The following TBC1D1 variants were observed in gnomAD, a reference collection of about 807,000 sequenced individuals.
TBC1D1 encodes the protein TBC1 domain family member 1.
Under a neutral mutation model 125.6 loss-of-function variants are expected in TBC1D1, and 89 were observed. The ratio of observed to expected loss-of-function variants is 0.71; its 90% CI spans 0.60 to 0.85. The LOEUF is 0.85. TBC1D1 is among the 40% of genes least tolerant of loss of function. The probability of loss-of-function intolerance (pLI) is 0.00; values close to 1 mark genes in which losing one functional copy is unlikely to be tolerated. For synonymous variants in TBC1D1, 565 were observed against 564.1 expected (o/e 1.00, Z -0.02); for missense variants, 1,377 against 1,469.2 (o/e 0.94, Z 1.03).
intron 2 of TBC1D1, among the ~76,000 whole-genome samples, chr4:38,005,547 A>G (rs1212283440): frequency 6.6e-6 from 1 of 152,188 alleles, no homozygotes; most frequent in Non-Finnish European, 1.5e-5. Context: ...ACAGCAGTGC[A>G]GCCTCCTGGG....
intron 2 of TBC1D1, among the ~76,000 whole-genome samples, chr4:37,956,998 G>A (rs1207014292): frequency 6.6e-6 from 1 of 151,226 alleles, no homozygotes; most frequent in Non-Finnish European, 1.5e-5. Flanking sequence ...AGAAGCCACT[G>A]ATGCATGCCA....
chr4:37,894,737 A>C (rs781221702), intron 1 of TBC1D1, among the ~76,000 whole-genome samples: 1 of 152,218 alleles, frequency 6.6e-6, no homozygotes, highest in Non-Finnish European at 1.5e-5. Context: ...CTTTTAGAGT[A>C]TAATTTTGAT....
chr4:38,032,081 G>T (rs954299751), intron 7 of TBC1D1, among the ~76,000 whole-genome samples: 6 of 152,198 alleles, frequency 3.9e-5, no homozygotes, highest in African/African-American at 1.4e-4. Context: ...CACTTTGGGA[G>T]GCCAAGGCGG....
chr4:38,058,191 C>T (rs1200300968), intron 12 of TBC1D1, among the ~76,000 whole-genome samples: 1 of 152,206 alleles, frequency 6.6e-6, no homozygotes, highest in Non-Finnish European at 1.5e-5. Context: ...CAACTGATTT[C>T]TGTCTGAGAG....
rs1056986462 is a variant in TBC1D1 at position 37,995,450 on chromosome 4, C to T, written c.418-19059C>T. ...ACAACCTGAGGTTTCTTTCCCCGCC[C>T]CCTCACAAAGTATAGATCATTTGTT... On this transcript the variant is annotated intron_variant, in intron 2 of 19. Coordinates refer to ENST00000261439, the MANE Select transcript of TBC1D1 (RefSeq NM_015173.4). The surrounding 1 kb of genome is among the most constrained non-coding windows in gnomAD (Gnocchi z 4.3). The T allele has an allele frequency of 1.5e-5, 3 of 199,220 alleles. No homozygotes were observed. In the Admixed American group the frequency reaches 1.7e-4, roughly 11 times the overall value. The allele number at this position is 199,220 out of a possible 1,614,324, so 12.3% of individuals were successfully genotyped here.
intron 2 of TBC1D1, among the ~76,000 whole-genome samples, chr4:37,910,873 G>A (rs551581745): frequency 5.9e-5 from 9 of 151,962 alleles, no homozygotes; most frequent in African/African-American, 1.2e-4. Context: ...GTTGTTACAC[G>A]TTGTATGCCT....
At chr4:38,123,338 ATTTAC>A (rs1320221047) in intron 17 of TBC1D1, among the ~76,000 whole-genome samples, 1 of 152,358 alleles carries the variant, frequency 6.6e-6, no homozygotes, top group East Asian at 1.9e-4. Flanking sequence ...GAAACTTCAA[ATTTAC>A]TTTAGAGTTT....
chr4:38,052,196 C>CGT lies in TBC1D1; in HGVS notation c.1911-2002_1911-2001insTG, dbSNP rs1445628526. ...GTGTGTGTGTGTGTGTGTGTGTGTG[C>CGT]GCGCGCGTGTGTGTCTTTGTTTATA... On this transcript the variant is annotated intron_variant, in intron 11 of 19. Transcript: ENST00000261439. 41 of 470,264 alleles carry CGT rather than the reference C, an allele frequency of 8.7e-5. No homozygotes were observed. In the African/African-American group the frequency reaches 9.6e-4, roughly 11 times the overall value. The allele number at this position is 470,264 out of a possible 1,614,324, so 29.1% of individuals were successfully genotyped here.
rs753990550 is a variant in TBC1D1 at position 38,014,711 on chromosome 4, G to C, written c.620G>C (p.Arg207Pro). ...AAGTTCAATCACGTCAGCGGCAGCC[G>C]GGGGTCCGAGAGCCCCCGCCCCAAC... Residue 207 changes from arginine (R) to proline (P), a missense_variant, in exon 3 of 20, where the codon CGG becomes CCG. Arg to Pro is a moderately radical substitution (Grantham distance 103, BLOSUM62 -2). Coordinates refer to ENST00000261439, the MANE Select transcript of TBC1D1 (RefSeq NM_015173.4). The surrounding 1 kb of genome is among the most constrained non-coding windows in gnomAD (Gnocchi z 5.1). The C allele has an allele frequency of 4.0e-5, 65 of 1,612,314 alleles. No homozygotes were observed. Among genetic ancestry groups the C allele is most frequent in the Non-Finnish European group, 5.2e-5 (61 of 1,179,798 alleles).
intron 7 of TBC1D1, among the ~76,000 whole-genome samples, chr4:38,033,940 C>G (rs189233837): frequency 6.3e-4 from 96 of 152,276 alleles, no homozygotes; most frequent in African/African-American, 1.9e-3. Context: ...ATTTGCCGAT[C>G]GATGCACATC....
At chr4:38,000,091 C>T (rs546501293) in intron 2 of TBC1D1, among the ~76,000 whole-genome samples, 28 of 152,226 alleles carry the variant, frequency 1.8e-4, no homozygotes, top group African/African-American at 6.5e-4. Context: ...ATGACTATAG[C>T]GTCTGGCGAG....
At chr4:37,990,643 T>A (rs551579347) in intron 2 of TBC1D1, among the ~76,000 whole-genome samples, 2 of 152,350 alleles carry the variant, frequency 1.3e-5, no homozygotes, top group Admixed American at 1.3e-4. Flanking sequence ...CTCCTTCCAT[T>A]TCCAGAAATA....
At chr4:38,060,806 T>C (rs764250818) in intron 12 of TBC1D1, 1 of 417,290 alleles carries the variant, frequency 2.4e-6, no homozygotes, top group Non-Finnish European at 4.2e-6. Flanking sequence ...AAAGGCAGAC[T>C]CTGTTGCAGT....
intron 12 of TBC1D1, among the ~76,000 whole-genome samples, chr4:38,058,915 A>G (rs1019966232): frequency 3.9e-5 from 6 of 152,210 alleles, no homozygotes; most frequent in Non-Finnish European, 2.9e-5. Flanking sequence ...AACTAAATAT[A>G]GTGTAAAAAG....
At chr4:38,027,944 T>C in intron 7 of TBC1D1, 65 bp downstream of exon 7, 1 of 1,279,590 alleles carries the variant, frequency 7.8e-7, no homozygotes, top group Admixed American at 2.2e-5. Flanking sequence ...GGAAATGCTA[T>C]GTGTAAAAAA....
intron 12 of TBC1D1, among the ~76,000 whole-genome samples, chr4:38,089,611 A>G (rs1437300095): frequency 1.3e-5 from 2 of 152,270 alleles, no homozygotes; most frequent in Non-Finnish European, 2.9e-5. Context: ...TAGGCACTGT[A>G]TGAACATTTT....
intron 2 of TBC1D1, among the ~76,000 whole-genome samples, chr4:37,905,525 T>C (rs190780192): frequency 6.6e-6 from 1 of 152,336 alleles, no homozygotes; most frequent in East Asian, 1.9e-4. Flanking sequence ...GCAAAATTGC[T>C]CCTGTTTGAT....
At chr4:37,932,172 G>A (rs1158408968) in intron 2 of TBC1D1, among the ~76,000 whole-genome samples, 1 of 152,176 alleles carries the variant, frequency 6.6e-6, no homozygotes, top group Admixed American at 6.5e-5. Flanking sequence ...TAAAGGATGT[G>A]TCCACACTGA....
At chr4:37,947,563 C>G (rs1000162420) in intron 2 of TBC1D1, among the ~76,000 whole-genome samples, 1 of 152,156 alleles carries the variant, frequency 6.6e-6, no homozygotes, top group Non-Finnish European at 1.5e-5. Flanking sequence ...TGGGCTCAAG[C>G]AATCCTCCTG....
Sources: gnomAD v4.1 joint callset for allele counts (sites outside exome capture counted in the v4.1 genomes callset) on GRCh38, gnomAD v4.1.1 for gene constraint, Gnocchi (gnomAD v3.1) non-coding constraint, MANE v1.5 for transcripts, NCBI Gene and HGNC (gene_info 2026-07-23, HGNC 2026-07-21) for gene names.